The following ARHGAP26 variants were observed in gnomAD, a reference collection of about 807,000 sequenced individuals.
The protein encoded by ARHGAP26 is Rho GTPase activating protein 26, also known as rho GTPase-activating protein 26.
A neutral mutation model predicts 104.8 loss-of-function variants in ARHGAP26; 38 were observed. The observed-to-expected ratio is 0.36, with a 90% CI of 0.28 to 0.48. The LOEUF is 0.48. Among genes scored for constraint, ARHGAP26 ranks in the 20% least tolerant of loss-of-function variants. The probability of loss-of-function intolerance (pLI) is 0.99; values close to 1 mark genes in which losing one functional copy is unlikely to be tolerated. For synonymous variants in ARHGAP26, 341 were observed against 340.0 expected, an observed-to-expected ratio of 1.00 and a Z score of -0.03; for missense variants, 704 against 947.9, an observed-to-expected ratio of 0.74 and a Z score of 3.38.
intron 17 of ARHGAP26, among the ~76,000 whole-genome samples, chr5:143,101,497 T>TG (rs1312874461): frequency 6.6e-6 from 1 of 152,168 alleles, no homozygotes; most frequent in Non-Finnish European, 1.5e-5. Flanking sequence ...CTTAGCTCTT[T>TG]GGGGGTGACT....
chr5:143,083,699 A>G (rs1303065795), intron 17 of ARHGAP26, among the ~76,000 whole-genome samples: 1 of 152,104 alleles, frequency 6.6e-6, no homozygotes, highest in African/African-American at 2.4e-5. Flanking sequence ...GGGTTTCACC[A>G]TGTTGCCCAG....
chr5:142,804,007 T>G (rs751728973), intron 1 of ARHGAP26, among the ~76,000 whole-genome samples: 2 of 152,192 alleles, frequency 1.3e-5, no homozygotes, highest in African/African-American at 2.4e-5. Flanking sequence ...AGCAGCCCTG[T>G]GAACAAGATC....
chr5:143,156,771 C>G (rs748662762), intron 20 of ARHGAP26, among the ~76,000 whole-genome samples: 1 of 152,174 alleles, frequency 6.6e-6, no homozygotes, highest in Non-Finnish European at 1.5e-5. Context: ...GAGCTCTGCC[C>G]GTGGCCTTTG....
chr5:142,813,782 C>T (rs138646692), intron 1 of ARHGAP26, among the ~76,000 whole-genome samples: 13 of 152,240 alleles, frequency 8.5e-5, no homozygotes, highest in Non-Finnish European at 1.8e-4. Flanking sequence ...TTTCCAAATA[C>T]AGTCCCATTC....
At position 142,772,868 on chromosome 5, in the gene ARHGAP26, G is replaced by A. The variant is rs763212634; in HGVS notation, c.154+1953G>A. ...TGAGGAGGGTGCGTTTGGGTGACTG[G>A]CAGTTTTCCTACCACTAGTTTTTGG... On this transcript the variant is annotated intron_variant, in intron 1 of 22. Transcript: ENST00000645722. The A allele has an allele frequency of 9.4e-6, 5 of 533,510 alleles. No individual in the cohort carries two copies. In the Admixed American group the frequency reaches 9.7e-5, roughly 10 times the overall value. The allele number at this position is 533,510 out of a possible 1,614,324, so 33.0% of individuals were successfully genotyped here. A position where few individuals can be genotyped will look rare whatever the true frequency, so the allele number is the denominator to read the frequency against.
intron 19 of ARHGAP26, among the ~76,000 whole-genome samples, chr5:143,136,603 G>A (rs1039543517): frequency 3.3e-5 from 5 of 152,158 alleles, no homozygotes; most frequent in African/African-American, 1.2e-4. Context: ...TATCCAAACC[G>A]GCATGGAAGG....
chr5:142,938,164 A>G (rs57170643), intron 11 of ARHGAP26, among the ~76,000 whole-genome samples: 15,161 of 152,152 alleles, frequency 0.1, 1,907 homozygotes, highest in African/African-American at 0.29. Flanking sequence ...TTTAAAAGAT[A>G]GTATCATTGG....
At chr5:143,191,848 T>A (rs1169854392) in intron 20 of ARHGAP26, among the ~76,000 whole-genome samples, 3 of 152,218 alleles carry the variant, frequency 2.0e-5, no homozygotes, top group Non-Finnish European at 4.4e-5. Flanking sequence ...TTCCATCGTA[T>A]TTGTCAGGCC....
chr5:143,164,351 G>GA (rs1161661232), intron 20 of ARHGAP26, among the ~76,000 whole-genome samples: 7 of 152,146 alleles, frequency 4.6e-5, no homozygotes, highest in Admixed American at 1.3e-4. Context: ...GTATAGGTAT[G>GA]AGGGCTCTCT....
At chr5:143,000,355 C>T (rs1175977647) in intron 11 of ARHGAP26, among the ~76,000 whole-genome samples, 1 of 152,196 alleles carries the variant, frequency 6.6e-6, no homozygotes, top group African/African-American at 2.4e-5. Context: ...ATGATAGCTA[C>T]AGACAGGGAA....
rs368903718 is a variant in ARHGAP26 at position 142,936,975 on chromosome 5, C to T, written c.1107+4850C>T. Reference sequence around the variant, plus strand: ...AGATGAAGAGTTTTTAGATGCAATGCGGAAAGCATACACAACCCATAAAAT... The same window carrying T: ...AGATGAAGAGTTTTTAGATGCAATGTGGAAAGCATACACAACCCATAAAAT... On this transcript the variant is annotated intron_variant, in intron 11 of 22. Coordinates refer to ENST00000645722, the MANE Select transcript of ARHGAP26 (RefSeq NM_001135608.3). 2.6e-4 allele frequency among the ~76,000 whole-genome samples: 40 copies of T among 152,098 alleles called. 1 individual carries two copies. The highest frequency in any genetic ancestry group is 7.2e-4 in the Admixed American group (11 of 15,276).
At chr5:143,066,348 ATCTCCATTGTTAAGCGATGCG>A (rs1787481463) in intron 17 of ARHGAP26, among the ~76,000 whole-genome samples, 1 of 152,226 alleles carries the variant, frequency 6.6e-6, no homozygotes, top group South Asian at 2.1e-4. Context: ...TTCTCAGCAT[ATCTCCATTGTTAAGCGATGCG>A]TGACTATACT....
At chr5:143,133,038 G>A (rs558878793) in intron 18 of ARHGAP26, among the ~76,000 whole-genome samples, 1 of 152,164 alleles carries the variant, frequency 6.6e-6, no homozygotes, top group African/African-American at 2.4e-5. Context: ...GGTACCTAAG[G>A]GAGTCTGCAA....
chr5:143,059,245 C>T (rs1023496379), intron 17 of ARHGAP26, among the ~76,000 whole-genome samples: 1 of 152,122 alleles, frequency 6.6e-6, no homozygotes, highest in Non-Finnish European at 1.5e-5. Context: ...GCCATCGGGT[C>T]TGAAAGAGGC....
At chr5:142,844,248 G>A (rs1376113649) in intron 1 of ARHGAP26, among the ~76,000 whole-genome samples, 1 of 151,500 alleles carries the variant, frequency 6.6e-6, no homozygotes, top group Non-Finnish European at 1.5e-5. Context: ...ATGGGGTTTC[G>A]CCATATCGAC....
chr5:143,177,987 C>CATTTTTTTTT (rs1562559091), intron 20 of ARHGAP26, among the ~76,000 whole-genome samples: 1 of 58,296 alleles, frequency 1.7e-5, no homozygotes, highest in Non-Finnish European at 3.0e-5. Context: ...TGTGGCAGTC[C>CATTTTTTTTT]TTTTTTTTTT....
intron 20 of ARHGAP26, among the ~76,000 whole-genome samples, chr5:143,198,732 A>G (rs757718106): frequency 6.6e-6 from 1 of 152,222 alleles, no homozygotes; most frequent in South Asian, 2.1e-4. Context: ...TGTTTAAATC[A>G]TAGAATTACT....
intron 17 of ARHGAP26, among the ~76,000 whole-genome samples, chr5:143,079,995 G>A (rs1008721774): frequency 6.6e-6 from 1 of 152,162 alleles, no homozygotes; most frequent in South Asian, 2.1e-4. Flanking sequence ...AGCCTCAGGA[G>A]TATGACCTAC....
chr5:142,930,822 A>G (rs916810938), intron 10 of ARHGAP26, among the ~76,000 whole-genome samples: 9 of 152,232 alleles, frequency 5.9e-5, no homozygotes, highest in Non-Finnish European at 1.3e-4. Flanking sequence ...GTGACTTTTA[A>G]ATTATGTTAA....
Sources: allele counts gnomAD v4.1 joint callset (sites outside exome capture counted in the v4.1 genomes callset), GRCh38; gene constraint gnomAD v4.1.1; transcripts MANE v1.5; gene names NCBI Gene and HGNC (gene_info 2026-07-23, HGNC 2026-07-21).